Variants in VPS13B observed in about 807,000 individuals in gnomAD.
VPS13B encodes intermembrane lipid transfer protein VPS13B.
VPS13B carries 285 observed loss-of-function variants against 426.4 expected under a neutral mutation model. That is an observed-to-expected ratio of 0.67 (90% CI 0.61 to 0.74). The LOEUF (loss-of-function observed/expected upper bound fraction) is 0.74, where lower values mean the gene tolerates loss of function less well. Among genes scored for constraint, VPS13B ranks in the 30% least tolerant of loss-of-function variants. The pLI is 0.00. For missense variants in VPS13B, 4,537 were observed against 4,782.6 expected (o/e 0.95, Z 1.51); for synonymous variants, 1,676 against 1,676.4 (o/e 1.00, Z 0.01).
intron 55 of VPS13B, among the ~76,000 whole-genome samples, chr8:99,853,101 G>A (rs1816375904): frequency 1.3e-5 from 2 of 152,090 alleles, no homozygotes. Context: ...TTCAATTTAG[G>A]GAGTCTCAGT....
At chr8:99,361,155 A>C (rs1484516610) in intron 19 of VPS13B, among the ~76,000 whole-genome samples, 1 of 152,214 alleles carries the variant, frequency 6.6e-6, no homozygotes, top group East Asian at 1.9e-4. Flanking sequence ...TGGATAAATA[A>C]TGGCTGTTAC....
intron 21 of VPS13B, among the ~76,000 whole-genome samples, chr8:99,420,374 C>A (rs1344702778): frequency 6.6e-6 from 1 of 151,976 alleles, no homozygotes; most frequent in Non-Finnish European, 1.5e-5. Flanking sequence ...AGAATAAGAA[C>A]AGAGATTTTG....
chr8:99,266,251 T>A (rs1163588184), intron 17 of VPS13B, among the ~76,000 whole-genome samples: 1 of 150,858 alleles, frequency 6.6e-6, no homozygotes, highest in Non-Finnish European at 1.5e-5. Flanking sequence ...AGACCCTGTC[T>A]CTACAAAAAA....
At chr8:99,549,035 A>G (rs1198056957) in intron 30 of VPS13B, among the ~76,000 whole-genome samples, 3 of 152,126 alleles carry the variant, frequency 2.0e-5, no homozygotes, top group Non-Finnish European at 4.4e-5. Flanking sequence ...TTGGAAAACT[A>G]TCTACAGAGG....
intron 3 of VPS13B, among the ~76,000 whole-genome samples, chr8:99,087,485 C>T (rs1787928326): frequency 6.6e-6 from 1 of 151,948 alleles, no homozygotes; most frequent in African/African-American, 2.4e-5. Context: ...TTCTGACACT[C>T]CCCAGTGAGA....
rs1005797621 is a variant in VPS13B at position 99,106,127 on chromosome 8, G to T, written c.580+3007G>T. Among the ~76,000 whole-genome samples, 5 of 151,582 alleles carry T rather than the reference G, an allele frequency of 3.3e-5. No individual in the cohort carries two copies. In the East Asian group the frequency reaches 7.7e-4, roughly 23 times the overall value. On this transcript the variant is annotated intron_variant, in intron 5 of 61. Coordinates refer to ENST00000357162, the MANE Select transcript of VPS13B (RefSeq NM_152564.5). ...AAGCATAACATGCAAGAAAGAAAGA[G>T]CATTAAGCAAAAACACATAGCTGGC...
At chr8:99,032,380 C>A (rs1842543439) in intron 2 of VPS13B, among the ~76,000 whole-genome samples, 2 of 152,028 alleles carry the variant, frequency 1.3e-5, no homozygotes, top group African/African-American at 4.8e-5. Flanking sequence ...TTACATTTAT[C>A]ATTTTGCTAT....
intron 34 of VPS13B, among the ~76,000 whole-genome samples, chr8:99,650,806 C>T (rs1438598217): frequency 2.6e-5 from 4 of 152,084 alleles, no homozygotes; most frequent in African/African-American, 7.2e-5. Context: ...AAAATTGGCC[C>T]TCAGTATTCA....
At chr8:99,390,769 A>G (rs1016598357) in intron 20 of VPS13B, among the ~76,000 whole-genome samples, 1 of 152,136 alleles carries the variant, frequency 6.6e-6, no homozygotes, top group Non-Finnish European at 1.5e-5. Context: ...TTTTCCACCC[A>G]CTTCAGCATT....
At chr8:99,567,192 C>CGACT (rs796749257) in intron 31 of VPS13B, among the ~76,000 whole-genome samples, 3 of 152,276 alleles carry the variant, frequency 2.0e-5, no homozygotes, top group African/African-American at 7.2e-5. Flanking sequence ...TACCCCTAGT[C>CGACT]GCTCCCTCTT....
At chr8:99,708,282 A>C (rs1257743366) in intron 36 of VPS13B, among the ~76,000 whole-genome samples, 2 of 152,122 alleles carry the variant, frequency 1.3e-5, no homozygotes, top group African/African-American at 4.8e-5. Context: ...GGGAAGAAAG[A>C]GGCAAAGCAT....
chr8:99,254,429 CAT>C (rs1817648934), intron 17 of VPS13B, among the ~76,000 whole-genome samples: 1 of 151,844 alleles, frequency 6.6e-6, no homozygotes, highest in South Asian at 2.1e-4. Flanking sequence ...CCCCTCTATA[CAT>C]AAGGTGTAGT....
intron 19 of VPS13B, among the ~76,000 whole-genome samples, chr8:99,322,674 A>C (rs1400605061): frequency 6.6e-6 from 1 of 152,212 alleles, no homozygotes; most frequent in Non-Finnish European, 1.5e-5. Context: ...GATGGGAAGT[A>C]TAAACATGCA....
intron 3 of VPS13B, among the ~76,000 whole-genome samples, chr8:99,057,714 A>C (rs968893834): frequency 7.2e-5 from 11 of 152,150 alleles, no homozygotes; most frequent in Admixed American, 6.5e-5. Context: ...TTAAACCTCA[A>C]ATCCTTTCCT....
chr8:99,400,078 A>G (rs1330951603), intron 21 of VPS13B, among the ~76,000 whole-genome samples: 1 of 152,040 alleles, frequency 6.6e-6, no homozygotes, highest in African/African-American at 2.4e-5. Context: ...TTCTATTTTT[A>G]CTTTGAAGGT....
Position 99,776,893 on chromosome 8 carries a change from GT to G in VPS13B, c.7369del (p.Ser2457LeufsTer18). The G allele has an allele frequency of 6.2e-7, 1 of 1,613,974 alleles. No individual in the cohort carries two copies. The highest frequency in any genetic ancestry group is 8.5e-7 in the Non-Finnish European group (1 of 1,179,970). ...FTPWFVPSLC[V>X]SFQFAHLEFH... The stretch of plus-strand genomic sequence containing the variant: ...CCCATGGTTTGTCCCATCCCTTTGC[GT>G]TTCTTTCCAGTTTGCTCACCTGGAA... On this transcript the variant is annotated frameshift_variant, in exon 41 of 62. Transcript: ENST00000357162. LOFTEE classifies it high-confidence loss of function.
intron 36 of VPS13B, among the ~76,000 whole-genome samples, chr8:99,711,831 A>G (rs921480609): frequency 1.3e-5 from 2 of 152,342 alleles, no homozygotes; most frequent in Middle Eastern, 3.4e-3. Context: ...CATATACCCA[A>G]TATATGGTAG....
intron 17 of VPS13B, among the ~76,000 whole-genome samples, chr8:99,244,913 G>C (rs1448847033): frequency 6.6e-6 from 1 of 152,204 alleles, no homozygotes; most frequent in African/African-American, 2.4e-5. Context: ...TGTGGTGCAT[G>C]GATGCATGTA....
chr8:99,435,155 A>G (rs1227536178), intron 22 of VPS13B, among the ~76,000 whole-genome samples: 1 of 152,184 alleles, frequency 6.6e-6, no homozygotes, highest in Non-Finnish European at 1.5e-5. Flanking sequence ...GAATTTAGAT[A>G]TTATCCTAGG....
Sources: allele counts gnomAD v4.1 joint callset (sites outside exome capture counted in the v4.1 genomes callset), GRCh38; gene constraint gnomAD v4.1.1; transcripts MANE v1.5; gene names NCBI Gene and HGNC (gene_info 2026-07-23, HGNC 2026-07-21).